The following RNF41 variants were observed in gnomAD, a reference collection of about 807,000 sequenced individuals.
RNF41 encodes E3 ubiquitin-protein ligase NRDP1.
In RNF41, 4 loss-of-function variants were observed where a neutral mutation model predicts 33.0. That is an observed-to-expected ratio of 0.12 (90% CI 0.06 to 0.28). The LOEUF (loss-of-function observed/expected upper bound fraction) is 0.28. Ranked by LOEUF, RNF41 falls within the 10% of genes least tolerant of loss-of-function variation. RNF41 has a pLI of 1.00. For synonymous variants in RNF41, 164 were observed against 153.2 expected (o/e 1.07, Z -0.52); for missense variants, 228 against 432.6 (o/e 0.53, Z 4.19).
intron 1 of RNF41, among the ~76,000 whole-genome samples, chr12:56,219,832 T>C (rs1418875287): frequency 1.3e-5 from 2 of 151,012 alleles, no homozygotes; most frequent in South Asian, 2.1e-4. Context: ...CTGGGCAACA[T>C]AGTGAAACCT....
intron 1 of RNF41, among the ~76,000 whole-genome samples, chr12:56,217,164 A>AGG (rs1316862642): frequency 4.7e-5 from 7 of 149,778 alleles, no homozygotes; most frequent in Non-Finnish European, 8.9e-5. Flanking sequence ...AAAAGACAAG[A>AGG]GGAAAAGTAG....
intron 3 of RNF41, among the ~76,000 whole-genome samples, chr12:56,211,938 C>G (rs1592353794): frequency 2.0e-5 from 3 of 152,092 alleles, no homozygotes; most frequent in Admixed American, 2.0e-4. Flanking sequence ...TGCCACTGCA[C>G]TCCAGCCTAG....
intron 3 of RNF41, among the ~76,000 whole-genome samples, chr12:56,210,864 A>G (rs2135804992): frequency 6.6e-6 from 1 of 152,160 alleles, no homozygotes; most frequent in African/African-American, 2.4e-5. Context: ...AACATGACAA[A>G]ACCCCATCTC....
intron 1 of RNF41, among the ~76,000 whole-genome samples, chr12:56,218,270 A>T (rs1006746758): frequency 8.6e-5 from 13 of 151,522 alleles, no homozygotes; most frequent in Non-Finnish European, 1.2e-4. Flanking sequence ...AATTATTATT[A>T]TTTTTTTGAG....
chr12:56,207,892 C>T (rs1868304202), intron 5 of RNF41, 143 bp from the exon 6 acceptor site: 3 of 768,498 alleles, frequency 3.9e-6, no homozygotes, highest in African/African-American at 3.4e-5. Flanking sequence ...AAGACTGTCT[C>T]ACTCACAGCT....
In RNF41 at chr12:56,202,248, C is replaced by T. The variant is rs917968360; in HGVS notation, c.*4199G>A. The T allele has an allele frequency of 6.6e-6, 1 of 151,144 alleles. No homozygotes were observed. Among genetic ancestry groups the T allele is most frequent in the Admixed American group, 6.6e-5 (1 of 15,074 alleles). 9.4% of individuals were successfully genotyped at this position (151,144 alleles called of 1,614,324 possible). A position where few individuals can be genotyped will look rare whatever the true frequency, so the allele number is the denominator to read the frequency against. On this transcript the variant is annotated 3_prime_UTR_variant, in exon 7 of 7. Transcript: ENST00000345093. ...TTAAGACAATTCCAGGTGCAGTAGC[C>T]CCAGCTACTCCAGAAGCTGAAGTGG...
At chr12:56,209,103 G>A (rs1322254090) in intron 4 of RNF41, among the ~76,000 whole-genome samples, 4 of 151,828 alleles carry the variant, frequency 2.6e-5, no homozygotes, top group African/African-American at 9.7e-5. Context: ...GACCTCAGGT[G>A]ATCCGCCCGC....
intron 1 of RNF41, among the ~76,000 whole-genome samples, chr12:56,217,641 C>T (rs948035952): frequency 1.3e-5 from 2 of 152,164 alleles, no homozygotes; most frequent in Non-Finnish European, 2.9e-5. Context: ...TGGACCAGTA[C>T]CAGACTGTGG....
At chr12:56,208,132 G>A in intron 5 of RNF41, 31 bp downstream of exon 5, 1 of 1,613,842 alleles carries the variant, frequency 6.2e-7, no homozygotes, top group South Asian at 1.1e-5. Flanking sequence ...GCATATGAGG[G>A]ATATGTTCTC....
intron 1 of RNF41, among the ~76,000 whole-genome samples, chr12:56,218,163 A>G (rs1286451224): frequency 6.6e-6 from 1 of 151,874 alleles, no homozygotes; most frequent in Admixed American, 6.6e-5. Context: ...CATGTTGGCC[A>G]GGCTGGTCTC....
intron 4 of RNF41, among the ~76,000 whole-genome samples, chr12:56,209,589 C>G (rs899100818): frequency 6.6e-6 from 1 of 152,114 alleles, no homozygotes; most frequent in Admixed American, 6.6e-5. Context: ...TCCCAAGTAG[C>G]TGGGACTACA....
At position 56,204,338 on chromosome 12, in the gene RNF41, G is replaced by A. The variant is rs1236404256; in HGVS notation, c.*2109C>T. On this transcript the variant is annotated 3_prime_UTR_variant, in exon 7 of 7. Transcript: ENST00000345093. ...GGGAAGAATGCAGGAGGGTACATGG[G>A]AAAGCAGCTGTGAAGTGCACACTAC... The A allele has an allele frequency of 6.6e-6, 1 of 152,206 alleles. No homozygotes were observed. Among genetic ancestry groups the A allele is most frequent in the East Asian group, 1.9e-4 (1 of 5,182 alleles). The allele number at this position is 152,206 out of a possible 1,614,324, so 9.4% of individuals were successfully genotyped here.
At chr12:56,211,580 G>GT (rs1868480787) in intron 3 of RNF41, among the ~76,000 whole-genome samples, 1 of 152,106 alleles carries the variant, frequency 6.6e-6, no homozygotes, top group Non-Finnish European at 1.5e-5. Flanking sequence ...ATCACGGCAG[G>GT]TATTTATGAA....
intron 3 of RNF41, among the ~76,000 whole-genome samples, chr12:56,213,293 C>T (rs562515442): frequency 3.3e-5 from 5 of 152,170 alleles, no homozygotes; most frequent in African/African-American, 4.8e-5. Flanking sequence ...CTCCTACTCC[C>T]GGGTTCAAGC....
Position 56,215,448 on chromosome 12 carries a change from T to C in RNF41, c.-24+981A>G, listed in dbSNP as rs374771422. Among the ~76,000 whole-genome samples the C allele has an allele frequency of 7.9e-5, 12 of 151,966 alleles. 1 individual carries two copies. In the South Asian group the frequency reaches 2.1e-3, roughly 26 times the overall value. The stretch of plus-strand genomic sequence containing the variant: ...AAAGAAGAGAAGAGAGGGCCGGGCA[T>C]GGTGGCTCATGCCTGTAATCCCAGC... On this transcript the variant is annotated intron_variant, in intron 2 of 6. Transcript: ENST00000345093.
At chr12:56,220,029 A>C (rs1402454518) in intron 1 of RNF41, among the ~76,000 whole-genome samples, 3 of 150,556 alleles carry the variant, frequency 2.0e-5, no homozygotes, top group African/African-American at 7.3e-5. Flanking sequence ...AAATAAATAA[A>C]TAAATAAATA....
intron 1 of RNF41, 119 bp downstream of exon 1, chr12:56,221,641 A>G (rs1057129026): frequency 1.1e-4 from 17 of 151,030 alleles, no homozygotes; most frequent in African/African-American, 3.9e-4. Context: ...TATCTCTACC[A>G]CCATCCCTCC....
At chr12:56,209,170 ATTTAT>A (rs1447441541) in intron 4 of RNF41, among the ~76,000 whole-genome samples, 1 of 151,438 alleles carries the variant, frequency 6.6e-6, no homozygotes, top group Non-Finnish European at 1.5e-5. Flanking sequence ...GGGCCTATTT[ATTTAT>A]TTTGACACAC....
Position 56,215,257 on chromosome 12 carries a change from T to C in RNF41, c.-24+1172A>G, listed in dbSNP as rs1032221024. 4.6e-5 allele frequency among the ~76,000 whole-genome samples: 7 copies of C among 152,292 alleles called. No homozygotes were observed. In the South Asian group the frequency reaches 1.2e-3, roughly 27 times the overall value. ...AAGTCTGTGAGGATTTTGGACTTTATTCTGAAGGGTATGAGAGAGCCACTG... is the reference window on the plus strand; with the variant it reads ...AAGTCTGTGAGGATTTTGGACTTTACTCTGAAGGGTATGAGAGAGCCACTG... On this transcript the variant is annotated intron_variant, in intron 2 of 6. Coordinates refer to ENST00000345093, the MANE Select transcript of RNF41 (RefSeq NM_005785.4).
Sources: allele counts gnomAD v4.1 joint callset (sites outside exome capture counted in the v4.1 genomes callset), GRCh38; gene constraint gnomAD v4.1.1; transcripts MANE v1.5; gene names NCBI Gene and HGNC (gene_info 2026-07-23, HGNC 2026-07-21).